Variants in CCBE1 observed in about 807,000 individuals in gnomAD.
CCBE1 encodes the protein collagen and calcium-binding EGF domain-containing protein 1.
Under a neutral mutation model 50.0 loss-of-function variants are expected in CCBE1, and 37 were observed. That is an observed-to-expected ratio of 0.74 (90% confidence interval 0.57 to 0.97). CCBE1 has a LOEUF of 0.97. CCBE1 is among the 50% of genes least tolerant of loss of function. The pLI, the probability that CCBE1 is intolerant of heterozygous loss-of-function variation, is 0.00. For synonymous variants in CCBE1, 234 were observed against 203.7 expected (o/e 1.15, Z -1.27); for missense variants, 538 against 523.8 (o/e 1.03, Z -0.26).
At chr18:59,675,844 T>C (rs889647653) in intron 2 of CCBE1, among the ~76,000 whole-genome samples, 1 of 152,160 alleles carries the variant, frequency 6.6e-6, no homozygotes, top group African/African-American at 2.4e-5. Context: ...CTAACAGTAA[T>C]GTCTGGAAGA....
intron 2 of CCBE1, among the ~76,000 whole-genome samples, chr18:59,484,188 C>T (rs1020449526): frequency 5.3e-5 from 8 of 152,132 alleles, no homozygotes; most frequent in Admixed American, 2.0e-4. Flanking sequence ...TAAAATTTTA[C>T]GGTTATTCCT....
At chr18:59,467,615 C>A (rs1429677480) in intron 4 of CCBE1, among the ~76,000 whole-genome samples, 2 of 152,206 alleles carry the variant, frequency 1.3e-5, no homozygotes, top group African/African-American at 4.8e-5. Context: ...TGCTCCCCTG[C>A]CGCATGGTGG....
chr18:59,697,585 T>G (rs1599148524), upstream of CCBE1: 1 of 538,526 alleles, frequency 1.9e-6, no homozygotes, highest in Non-Finnish European at 3.3e-6. Flanking sequence ...ACCTGCGGTG[T>G]CCGGCTGGCG....
chr18:59,433,611 T>TA lies in CCBE1; in HGVS notation c.*2296_*2297insT, dbSNP rs1289782704. ...CATTCAAACACAACAAAAGGGATAT[T>TA]TTTTTTTTTTTGAGACAGAGTCTCG... On this transcript the variant is annotated 3_prime_UTR_variant, in exon 11 of 11. Transcript: ENST00000439986. 6.7e-6 allele frequency: 1 copy of TA among 149,304 alleles called. No homozygotes were observed. Among genetic ancestry groups the TA allele is most frequent in the African/African-American group, 2.5e-5 (1 of 40,484 alleles). The allele number at this position is 149,304 out of a possible 1,614,324, so 9.2% of individuals were successfully genotyped here.
intron 2 of CCBE1, among the ~76,000 whole-genome samples, chr18:59,687,346 C>T (rs1283675212): frequency 5.9e-5 from 9 of 152,208 alleles, no homozygotes; most frequent in Non-Finnish European, 1.0e-4. Context: ...TGAACGTCCA[C>T]ATAACGTTAA....
intron 2 of CCBE1, among the ~76,000 whole-genome samples, chr18:59,679,401 G>T (rs1354924908): frequency 6.6e-6 from 1 of 152,116 alleles, no homozygotes; most frequent in Non-Finnish European, 1.5e-5. Context: ...GACAATTCCG[G>T]TAACATATGA....
chr18:59,462,617 C>T (rs896078243), intron 5 of CCBE1: 2 of 152,090 alleles, frequency 1.3e-5, no homozygotes, highest in African/African-American at 4.8e-5. Context: ...TCGAACAGCT[C>T]AAACGATCCT....
intron 2 of CCBE1, among the ~76,000 whole-genome samples, chr18:59,481,648 A>G (rs963306583): frequency 6.6e-6 from 1 of 152,238 alleles, no homozygotes; most frequent in Non-Finnish European, 1.5e-5. Context: ...CACAGTAACC[A>G]GAAGACAGTG....
intron 2 of CCBE1, among the ~76,000 whole-genome samples, chr18:59,667,259 C>T (rs959741800): frequency 4.6e-5 from 7 of 152,130 alleles, no homozygotes; most frequent in African/African-American, 1.7e-4. Context: ...CACAGGGAGA[C>T]CCTGACTCAA....
intron 2 of CCBE1, among the ~76,000 whole-genome samples, chr18:59,662,667 A>T (rs2054300442): frequency 6.6e-6 from 1 of 152,266 alleles, no homozygotes; most frequent in Non-Finnish European, 1.5e-5. Context: ...CAGGGAGACC[A>T]TGAGAGCTAA....
At chr18:59,683,747 G>C (rs1487990874) in intron 2 of CCBE1, among the ~76,000 whole-genome samples, 2 of 152,056 alleles carry the variant, frequency 1.3e-5, no homozygotes, top group Non-Finnish European at 2.9e-5. Flanking sequence ...AGCAAGCCAA[G>C]GAAGGATTCA....
In CCBE1 at chr18:59,435,672, T is replaced by C. The variant is rs1374147141; in HGVS notation, c.*236A>G. ...AAAGTTACAATGCAAACCACCCCAA[T>C]GGACTCTTAGTGAGAAGCAGGTAAA... is the stretch of plus-strand genomic sequence containing the variant. On this transcript the variant is annotated 3_prime_UTR_variant, in exon 11 of 11. Coordinates refer to ENST00000439986, the MANE Select transcript of CCBE1 (RefSeq NM_133459.4). The C allele has an allele frequency of 5.1e-6, 3 of 584,522 alleles. No individual in the cohort carries two copies. The highest frequency in any genetic ancestry group is 2.9e-5 in the East Asian group (1 of 34,382). 36.2% of individuals were successfully genotyped at this position (584,522 alleles called of 1,614,324 possible).
chr18:59,458,584 G>A (rs1255295092), intron 5 of CCBE1, among the ~76,000 whole-genome samples: 1 of 152,202 alleles, frequency 6.6e-6, no homozygotes, highest in Non-Finnish European at 1.5e-5. Context: ...CTCTTTTGTA[G>A]ATGACAGTGA....
At chr18:59,670,153 G>A (rs1183590399) in intron 2 of CCBE1, among the ~76,000 whole-genome samples, 1 of 117,038 alleles carries the variant, frequency 8.5e-6, no homozygotes, top group Non-Finnish European at 1.9e-5. Flanking sequence ...TGGAAGAGAA[G>A]CATGTGCCTT....
chr18:59,607,232 G>A (rs1297602462), intron 2 of CCBE1, among the ~76,000 whole-genome samples: 1 of 152,090 alleles, frequency 6.6e-6, no homozygotes, highest in Non-Finnish European at 1.5e-5. Flanking sequence ...CATGCTTTTG[G>A]CTGACATTTA....
chr18:59,517,273 C>A (rs901473763), intron 2 of CCBE1, among the ~76,000 whole-genome samples: 1 of 152,200 alleles, frequency 6.6e-6, no homozygotes, highest in East Asian at 1.9e-4. Context: ...CACCCATGAA[C>A]AAGTTGTGCC....
chr18:59,554,343 G>A (rs1916034239), intron 2 of CCBE1, among the ~76,000 whole-genome samples: 1 of 152,182 alleles, frequency 6.6e-6, no homozygotes, highest in Non-Finnish European at 1.5e-5. Context: ...TTCAGGGAGA[G>A]GAGCTGGCTC....
chr18:59,471,865 C>T (rs530005813), intron 3 of CCBE1, among the ~76,000 whole-genome samples: 1 of 152,348 alleles, frequency 6.6e-6, no homozygotes, highest in South Asian at 2.1e-4. Flanking sequence ...TTCCATCCCA[C>T]TAGCAGACTG....
intron 2 of CCBE1, among the ~76,000 whole-genome samples, chr18:59,612,539 G>A (rs897885162): frequency 6.6e-6 from 1 of 152,112 alleles, no homozygotes. Context: ...CTGGGCAGCT[G>A]ACTTTACCAA....
Sources: gnomAD v4.1 joint callset for allele counts (sites outside exome capture counted in the v4.1 genomes callset) on GRCh38, gnomAD v4.1.1 for gene constraint, MANE v1.5 for transcripts, NCBI Gene and HGNC (gene_info 2026-07-23, HGNC 2026-07-21) for gene names.